NUP98: variants seen among roughly 807,000 people sequenced by gnomAD.
The protein encoded by NUP98 is nuclear pore complex protein Nup98-Nup96.
In NUP98, 26 loss-of-function variants were observed where a neutral mutation model predicts 191.9. The observed-to-expected ratio is 0.14, with a 90% CI of 0.10 to 0.19. NUP98 has a LOEUF of 0.19. NUP98 is among the 10% of genes least tolerant of loss of function. NUP98 has a pLI of 1.00. For synonymous variants in NUP98, 808 were observed against 778.4 expected, an observed-to-expected ratio of 1.04 and a Z score of -0.63; for missense variants, 1,941 against 2,178.8, an observed-to-expected ratio of 0.89 and a Z score of 2.17.
intron 28 of NUP98, among the ~76,000 whole-genome samples, chr11:3,688,610 C>T (rs761962532): frequency 4.0e-5 from 6 of 150,690 alleles, no homozygotes; most frequent in South Asian, 2.1e-4. Context: ...GCCTGGCCAA[C>T]GTGGCAAAAC....
In NUP98 at chr11:3,720,836, A is replaced by AG. The variant is rs1441166095; in HGVS notation, c.2147-12_2147-11insC. 6.5e-6 allele frequency: 6 copies of AG among 927,170 alleles called. No homozygotes were observed. The highest frequency in any genetic ancestry group is 1.0e-5 in the Non-Finnish European group (6 of 601,498). 57.4% of individuals were successfully genotyped at this position (927,170 alleles called of 1,614,324 possible). On this transcript the variant is annotated splice_polypyrimidine_tract_variant and intron_variant, in intron 16 of 32. Coordinates refer to ENST00000324932, the MANE Select transcript of NUP98 (RefSeq NM_016320.5). ...TAGTGAGAATAATACCTGTGACAAA[A>AG]AAAAAAAAAAAAACAGAAAAAAAAA...
intron 1 of NUP98, among the ~76,000 whole-genome samples, chr11:3,784,074 G>A (rs984892752): frequency 6.6e-6 from 1 of 152,084 alleles, no homozygotes; most frequent in African/African-American, 2.4e-5. Flanking sequence ...TGGATTCTGT[G>A]ACAGAGATGA....
At chr11:3,728,461 T>C (rs1242794683) in intron 14 of NUP98, among the ~76,000 whole-genome samples, 2 of 152,060 alleles carry the variant, frequency 1.3e-5, no homozygotes, top group Non-Finnish European at 2.9e-5. Flanking sequence ...TGGGGCTGGG[T>C]GCGGCGGCTC....
intron 10 of NUP98, among the ~76,000 whole-genome samples, chr11:3,759,301 A>G (rs2081084205): frequency 1.3e-5 from 2 of 152,200 alleles, no homozygotes; most frequent in Non-Finnish European, 2.9e-5. Context: ...GTTATAAGAT[A>G]TATTGAAAAT....
At chr11:3,735,748 A>AGT (rs71041385) in intron 12 of NUP98, among the ~76,000 whole-genome samples, 8,051 of 140,772 alleles carry the variant, frequency 0.057, 234 homozygotes, top group Admixed American at 0.089. Context: ...CAGGGCAAGT[A>AGT]GTGTGTGTGT....
rs771544768 is a variant in NUP98, at chr11:3,706,637, G to C, written c.2743-10C>G. 6.2e-7 allele frequency: 1 copy of C among 1,610,736 alleles called. No homozygotes were observed. The highest frequency in any genetic ancestry group is 8.5e-7 in the Non-Finnish European group (1 of 1,178,524). ...CCTCTGGGCTCTGGCTCTGTAGACA[G>C]CAGAAAGATCAGGAAAGCAGCATTA... On this transcript the variant is annotated splice_polypyrimidine_tract_variant and intron_variant, in intron 20 of 32. Coordinates refer to ENST00000324932, the MANE Select transcript of NUP98 (RefSeq NM_016320.5).
intron 11 of NUP98, among the ~76,000 whole-genome samples, chr11:3,752,598 A>C (rs182354788): frequency 1.3e-5 from 2 of 152,228 alleles, no homozygotes; most frequent in African/African-American, 4.8e-5. Context: ...GGGGAAAAAA[A>C]AAACAGATTA....
intron 21 of NUP98, among the ~76,000 whole-genome samples, chr11:3,705,681 G>C (rs2078838606): frequency 6.6e-6 from 1 of 152,176 alleles, no homozygotes. Flanking sequence ...GGGATAAAGG[G>C]AAGTAAAGAC....
intron 28 of NUP98, 127 bp downstream of exon 28, chr11:3,691,220 G>A (rs1352845833): frequency 3.2e-6 from 3 of 931,108 alleles, no homozygotes; most frequent in Non-Finnish European, 4.8e-6. Flanking sequence ...ACTACTTTAA[G>A]TTATATTTGG....
intron 14 of NUP98, among the ~76,000 whole-genome samples, chr11:3,728,111 G>C (rs1290491405): frequency 6.6e-6 from 1 of 152,188 alleles, no homozygotes; most frequent in Non-Finnish European, 1.5e-5. Flanking sequence ...TAACTATATG[G>C]ATATATGAGG....
chr11:3,787,475 C>T (rs1254361740), intron 1 of NUP98, among the ~76,000 whole-genome samples: 5 of 152,022 alleles, frequency 3.3e-5, no homozygotes, highest in East Asian at 1.9e-4. Context: ...CCCAGCTACT[C>T]GAGAGACTGA....
chr11:3,714,019 T>C (rs1564834403), intron 18 of NUP98, 24 bp from the exon 19 acceptor site: 1 of 1,609,388 alleles, frequency 6.2e-7, no homozygotes, highest in Middle Eastern at 1.7e-4. Context: ...CCAATTAAAG[T>C]AACCAATTAA....
At chr11:3,739,588 T>A (rs971217253) in intron 12 of NUP98, among the ~76,000 whole-genome samples, 1 of 152,118 alleles carries the variant, frequency 6.6e-6, no homozygotes, top group African/African-American at 2.4e-5. Flanking sequence ...CGCACAGAGA[T>A]CAATGAAAAC....
intron 14 of NUP98, among the ~76,000 whole-genome samples, chr11:3,727,171 T>C (rs904821753): frequency 5.3e-5 from 8 of 152,100 alleles, no homozygotes; most frequent in South Asian, 2.1e-4. Flanking sequence ...GTAGGGACGC[T>C]GTAAGAAAAA....
At chr11:3,688,409 AAAT>A (rs1287422850) in intron 28 of NUP98, among the ~76,000 whole-genome samples, 1 of 150,816 alleles carries the variant, frequency 6.6e-6, no homozygotes, top group Non-Finnish European at 1.5e-5. Context: ...CCATCTCAAA[AAAT>A]AATAATAATA....
Position 3,732,026 on chromosome 11 carries a change from C to T in NUP98, c.1543-448G>A, listed in dbSNP as rs554076308. ...TTTATTGTTCTAGAACTGATTTTTA[C>T]TCATCTTTCCAGCCCCCATTTAAAA... On this transcript the variant is annotated intron_variant, in intron 13 of 32. Coordinates refer to ENST00000324932, the MANE Select transcript of NUP98 (RefSeq NM_016320.5). Among the ~76,000 whole-genome samples, 409 of 152,294 alleles carry T rather than the reference C, an allele frequency of 2.7e-3. 3 individuals carry two copies. Among genetic ancestry groups the T allele is most frequent in the African/African-American group, 8.9e-3 (372 of 41,566 alleles).
intron 29 of NUP98, 109 bp downstream of exon 29, chr11:3,685,864 C>T: frequency 2.4e-6 from 2 of 819,318 alleles, no homozygotes; most frequent in East Asian, 2.5e-5. Context: ...CTGGATCTAA[C>T]ACACATTCTA....
intron 19 of NUP98, among the ~76,000 whole-genome samples, chr11:3,713,539 A>C (rs182154428): frequency 1.9e-4 from 29 of 152,252 alleles, no homozygotes; most frequent in African/African-American, 6.7e-4. Context: ...GTCAACACTG[A>C]GAAACTCGAT....
intron 1 of NUP98, among the ~76,000 whole-genome samples, chr11:3,793,502 G>A (rs142291448): frequency 0.019 from 2,820 of 151,840 alleles, 101 homozygotes; most frequent in African/African-American, 0.065. Context: ...TAGCCAGGAT[G>A]GTCTCAAACT....
Sources: gnomAD v4.1 joint callset for allele counts (sites outside exome capture counted in the v4.1 genomes callset) on GRCh38, gnomAD v4.1.1 for gene constraint, MANE v1.5 for transcripts, NCBI Gene and HGNC (gene_info 2026-07-23, HGNC 2026-07-21) for gene names.